HRH1: variants seen among roughly 807,000 people sequenced by gnomAD.
HRH1 encodes histamine receptor H1.
HRH1 carries 6 observed loss-of-function variants against 10.3 expected under a neutral mutation model. The observed-to-expected ratio is 0.58, with a 90% CI of 0.32 to 1.15. The LOEUF is 1.15. HRH1 is among the 50% of genes most tolerant of loss of function. The probability of loss-of-function intolerance (pLI) is 0.05; values close to 1 mark genes in which losing one functional copy is unlikely to be tolerated. For synonymous variants in HRH1, 242 were observed against 236.7 expected (o/e 1.02, Z -0.21); for missense variants, 514 against 615.3 (o/e 0.84, Z 1.74).
chr3:11,244,122 G>T (rs963398213), intron 1 of HRH1, among the ~76,000 whole-genome samples: 1 of 152,176 alleles, frequency 6.6e-6, no homozygotes, highest in Non-Finnish European at 1.5e-5. Flanking sequence ...TGTCCCGATG[G>T]CTGCTTCACT....
rs137893631 is a variant in HRH1, at chr3:11,161,876, G to A, written c.-36+7322G>A. On this transcript the variant is annotated intron_variant, in intron 1 of 1. Transcript: ENST00000431010. Reference sequence around the variant, plus strand: ...CCCACTGGTCTCTCCTGTAGGGGGCGGTGGGAAGGGCCGATAAATAGCACT... The same window carrying A: ...CCCACTGGTCTCTCCTGTAGGGGGCAGTGGGAAGGGCCGATAAATAGCACT... Among the ~76,000 whole-genome samples the A allele has an allele frequency of 1.3e-3, 194 of 152,286 alleles. 1 individual carries two copies. Among genetic ancestry groups the A allele is most frequent in the African/African-American group, 4.5e-3 (185 of 41,558 alleles).
chr3:11,170,612 G>A (rs759824495), intron 1 of HRH1, among the ~76,000 whole-genome samples: 16 of 152,204 alleles, frequency 1.1e-4, no homozygotes, highest in African/African-American at 2.7e-4. Flanking sequence ...GGACATGCTC[G>A]GAGTCACACA....
intron 1 of HRH1, among the ~76,000 whole-genome samples, chr3:11,147,575 G>A (rs1559251204): frequency 2.0e-5 from 3 of 151,904 alleles, no homozygotes; most frequent in South Asian, 2.1e-4. Context: ...CTAAAACAAC[G>A]ATGTGACAAG....
In HRH1 at chr3:11,260,551, G is replaced by A. The variant is rs1939928274; in HGVS notation, c.*50G>A. On this transcript the variant is annotated 3_prime_UTR_variant, in exon 2 of 2. Transcript: ENST00000431010. ...AAATGATCCTTATGATGTCCAACAA[G>A]GAAATAGAGGACGAAGGCCTGTGTG... 4.0e-6 allele frequency: 6 copies of A among 1,503,558 alleles called. No homozygotes were observed. In the East Asian group the frequency reaches 1.4e-4, roughly 34 times the overall value. The allele number at this position is 1,503,558 out of a possible 1,614,324, so 93.1% of individuals were successfully genotyped here.
intron 1 of HRH1, among the ~76,000 whole-genome samples, chr3:11,168,958 A>T (rs1156797856): frequency 1.3e-5 from 2 of 152,074 alleles, no homozygotes; most frequent in Non-Finnish European, 2.9e-5. Flanking sequence ...TGGGACTTCC[A>T]GTTCCTTTGC....
At chr3:11,165,831 T>C (rs1937019982) in intron 1 of HRH1, among the ~76,000 whole-genome samples, 1 of 152,240 alleles carries the variant, frequency 6.6e-6, no homozygotes, top group African/African-American at 2.4e-5. Context: ...TTGGAGCTGA[T>C]CTCAGCTTCT....
intron 1 of HRH1, among the ~76,000 whole-genome samples, chr3:11,216,370 C>T: frequency 6.6e-6 from 1 of 152,168 alleles, no homozygotes; most frequent in East Asian, 1.9e-4. Context: ...GTGGAAGCAG[C>T]CAGTGTCCAT....
chr3:11,202,471 G>A (rs984360603), intron 1 of HRH1, among the ~76,000 whole-genome samples: 4 of 151,786 alleles, frequency 2.6e-5, no homozygotes, highest in African/African-American at 9.7e-5. Flanking sequence ...TTGTTTGGGA[G>A]CCACTTTAAC....
intron 1 of HRH1, among the ~76,000 whole-genome samples, chr3:11,138,123 C>G (rs1001092064): frequency 5.3e-5 from 8 of 151,820 alleles, no homozygotes; most frequent in Non-Finnish European, 8.8e-5. Flanking sequence ...TCACACCATT[C>G]TCCTGCCTCA....
intron 1 of HRH1, among the ~76,000 whole-genome samples, chr3:11,141,879 C>G (rs1936298482): frequency 6.6e-6 from 1 of 152,070 alleles, no homozygotes; most frequent in South Asian, 2.1e-4. Flanking sequence ...TGTAGGGCAA[C>G]TAGAAAGTGA....
chr3:11,176,432 C>T (rs73117658), intron 1 of HRH1, among the ~76,000 whole-genome samples: 2,997 of 152,202 alleles, frequency 0.02, 100 homozygotes, highest in African/African-American at 0.066. Flanking sequence ...AGGTGGTACA[C>T]CCCGCCCCAT....
In HRH1 at chr3:11,262,402, G is replaced by C. The variant is rs1356196858; in HGVS notation, c.*1901G>C. ...GAGTTTGATATGGGCTTTCTCTTTG[G>C]TTTCTCATCACATTTGTAAATGTCT... On this transcript the variant is annotated 3_prime_UTR_variant, in exon 2 of 2. Coordinates refer to ENST00000431010, the MANE Select transcript of HRH1 (RefSeq NM_001098212.2). The C allele has an allele frequency of 1.2e-5, 2 of 167,002 alleles. No homozygotes were observed. The highest frequency in any genetic ancestry group is 2.9e-5 in the Non-Finnish European group (2 of 68,112). 10.3% of individuals were successfully genotyped at this position (167,002 alleles called of 1,614,324 possible). A position where few individuals can be genotyped will look rare whatever the true frequency, so the allele number is the denominator to read the frequency against.
At position 11,260,263 on chromosome 3, in the gene HRH1, G is replaced by A. The variant is rs779665353; in HGVS notation, c.1226G>A (p.Arg409His). Residue 409 changes from arginine to histidine, a missense_variant, in exon 2 of 2, where the codon CGC (arginine) becomes CAC (histidine). By Grantham distance (29) the Arg-to-His change is conservative. Transcript: ENST00000431010. ...TATGTATCTGGGTTGCACATGAACC[G>A]CGAAAGGAAGGCCGCCAAACAGTTG... ...RQYVSGLHMNRERKAAKQLGF... is the reference protein window; with the variant it reads ...RQYVSGLHMNHERKAAKQLGF... 1.5e-5 allele frequency: 24 copies of A among 1,614,160 alleles called. No individual in the cohort carries two copies. Among genetic ancestry groups the A allele is most frequent in the African/African-American group, 5.3e-5 (4 of 75,046 alleles).
At chr3:11,235,057 T>A (rs956493770) in intron 1 of HRH1, among the ~76,000 whole-genome samples, 3 of 151,890 alleles carry the variant, frequency 2.0e-5, no homozygotes, top group Non-Finnish European at 4.4e-5. Context: ...CTACTAAAAA[T>A]GCAAAAAATT....
chr3:11,232,101 C>T (rs1431971796), intron 1 of HRH1, among the ~76,000 whole-genome samples: 1 of 151,920 alleles, frequency 6.6e-6, no homozygotes, highest in Non-Finnish European at 1.5e-5. Flanking sequence ...AGCGATTCTG[C>T]CTCAGCCTTC....
At chr3:11,205,666 CT>C (rs1334327486) in intron 1 of HRH1, among the ~76,000 whole-genome samples, 429 of 141,260 alleles carry the variant, frequency 3.0e-3, no homozygotes, top group Middle Eastern at 3.8e-3. Context: ...CACAGGTTTT[CT>C]TTTTTTTTTT....
At chr3:11,255,522 A>C (rs1003556320) in intron 1 of HRH1, among the ~76,000 whole-genome samples, 3 of 152,188 alleles carry the variant, frequency 2.0e-5, no homozygotes, top group African/African-American at 7.2e-5. Flanking sequence ...GTTAATTTGG[A>C]AAGTTTATTT....
intron 1 of HRH1, among the ~76,000 whole-genome samples, chr3:11,173,390 G>GT (rs1400920306): frequency 1.7e-4 from 26 of 148,584 alleles, no homozygotes; most frequent in African/African-American, 2.3e-4. Context: ...ATATATATGG[G>GT]GTTTTTTTGT....
intron 1 of HRH1, among the ~76,000 whole-genome samples, chr3:11,159,107 G>A (rs1936875902): frequency 6.6e-6 from 1 of 152,160 alleles, no homozygotes. Flanking sequence ...AATTAGCCAG[G>A]CATGGTGGTG....
Sources: allele counts gnomAD v4.1 joint callset (sites outside exome capture counted in the v4.1 genomes callset), GRCh38; gene constraint gnomAD v4.1.1; transcripts MANE v1.5; gene names NCBI Gene and HGNC (gene_info 2026-07-23, HGNC 2026-07-21).